The following MFSD6 variants were observed in gnomAD, a reference collection of about 807,000 sequenced individuals.
The protein encoded by MFSD6 is major facilitator superfamily domain-containing protein 6.
Under a neutral mutation model 56.3 loss-of-function variants are expected in MFSD6, and 26 were observed. That is an observed-to-expected ratio of 0.46 (90% CI 0.34 to 0.64). The LOEUF (loss-of-function observed/expected upper bound fraction) is 0.64, where lower values mean the gene tolerates loss of function less well. MFSD6 is among the 30% of genes least tolerant of loss of function. MFSD6 has a pLI of 0.01. For missense variants in MFSD6, 750 were observed against 986.2 expected, an observed-to-expected ratio of 0.76 and a Z score of 3.21; for synonymous variants, 331 against 366.9, an observed-to-expected ratio of 0.90 and a Z score of 1.12.
In MFSD6 at chr2:190,495,364, G is replaced by A. The variant is rs1689610541; in HGVS notation, c.1892-2075G>A. ...AAATCATACATGACATACACAAATG[G>A]AAACATATCCCATGCTCATGGATGG... On this transcript the variant is annotated intron_variant, in intron 6 of 7. Transcript: ENST00000392328. The surrounding 1 kb of genome is among the most constrained non-coding windows in gnomAD (Gnocchi z 4.7). Among the ~76,000 whole-genome samples, 1 of 152,142 alleles carries A rather than the reference G, an allele frequency of 6.6e-6. No individual in the cohort carries two copies.
chr2:190,455,887 G>A (rs1032846590), intron 3 of MFSD6, among the ~76,000 whole-genome samples: 10 of 147,920 alleles, frequency 6.8e-5, no homozygotes, highest in African/African-American at 2.5e-4. Flanking sequence ...AGTTCAAGTT[G>A]ACAGGTTTGA....
chr2:190,446,732 G>C (rs1345030971), intron 3 of MFSD6, among the ~76,000 whole-genome samples: 2 of 152,208 alleles, frequency 1.3e-5, no homozygotes, highest in African/African-American at 4.8e-5. Context: ...TTCTGGGTCT[G>C]CTCAACCCAA....
rs558641807 is a variant in MFSD6 at position 190,453,530 on chromosome 2, C to T, written c.1532+15969C>T. 4.6e-5 allele frequency among the ~76,000 whole-genome samples: 7 copies of T among 152,306 alleles called. No homozygotes were observed. In the East Asian group the frequency reaches 9.6e-4, roughly 21 times the overall value. ...ACTCTTCATCAAAGAAGGAACATGCCGTTATCAGTGTTACTTCTGGAAGCA... is the reference window on the plus strand; with the variant it reads ...ACTCTTCATCAAAGAAGGAACATGCTGTTATCAGTGTTACTTCTGGAAGCA... On this transcript the variant is annotated intron_variant, in intron 3 of 7. Transcript: ENST00000392328.
rs976654462 is a variant in MFSD6 at position 190,501,437 on chromosome 2, G to T, written c.*1219G>T. 6 of 152,198 alleles carry T rather than the reference G, an allele frequency of 3.9e-5. No individual in the cohort carries two copies. The highest frequency in any genetic ancestry group is 1.2e-4 in the African/African-American group (5 of 41,446). The allele number at this position is 152,198 out of a possible 1,614,324, so 9.4% of individuals were successfully genotyped here. A position where few individuals can be genotyped will look rare whatever the true frequency, so the allele number is the denominator to read the frequency against. On this transcript the variant is annotated 3_prime_UTR_variant, in exon 8 of 8. Coordinates refer to ENST00000392328, the MANE Select transcript of MFSD6 (RefSeq NM_017694.4). Reference sequence around the variant, plus strand: ...AGAACAATGGCTGGGTGGATCGCACGTAAAGCTTGCCACTAAAAATCAAAG... The same window carrying T: ...AGAACAATGGCTGGGTGGATCGCACTTAAAGCTTGCCACTAAAAATCAAAG...
At chr2:190,493,200 A>G (rs1373594027) in intron 6 of MFSD6, among the ~76,000 whole-genome samples, 1 of 152,160 alleles carries the variant, frequency 6.6e-6, no homozygotes, top group Non-Finnish European at 1.5e-5. Flanking sequence ...CATTCCATGC[A>G]AATGGACACC....
chr2:190,461,547 G>C lies in MFSD6; in HGVS notation c.1533-8211G>C, dbSNP rs1426504210. Among the ~76,000 whole-genome samples, 1 of 152,204 alleles carries C rather than the reference G, an allele frequency of 6.6e-6. No homozygotes were observed. The highest frequency in any genetic ancestry group is 1.5e-5 in the Non-Finnish European group (1 of 68,048). ...CTTTAAATGCCAAACAGTTCTGGAGGCTGGGAAGTGCAAGATCAAAGTGTT... is the reference window on the plus strand; with the variant it reads ...CTTTAAATGCCAAACAGTTCTGGAGCCTGGGAAGTGCAAGATCAAAGTGTT... On this transcript the variant is annotated intron_variant, in intron 3 of 7. Coordinates refer to ENST00000392328, the MANE Select transcript of MFSD6 (RefSeq NM_017694.4). This position sits in a 1 kb window ranked among gnomAD's most constrained non-coding sequence, Gnocchi z 5.5.
At chr2:190,422,143 TTTAA>T (rs1685640574) in intron 2 of MFSD6, among the ~76,000 whole-genome samples, 2 of 152,262 alleles carry the variant, frequency 1.3e-5, no homozygotes, top group African/African-American at 4.8e-5. Flanking sequence ...GTTCTGTTTA[TTTAA>T]CTTTCTCTGT....
chr2:190,486,990 A>G (rs1289326905), intron 4 of MFSD6, among the ~76,000 whole-genome samples: 1 of 152,222 alleles, frequency 6.6e-6, no homozygotes, highest in Non-Finnish European at 1.5e-5. Flanking sequence ...AATGGTGAAG[A>G]TATAAAACTG....
Position 190,481,713 on chromosome 2 carries a change from A to G in MFSD6, c.1631-6944A>G, listed in dbSNP as rs115379402. On this transcript the variant is annotated intron_variant, in intron 4 of 7. Coordinates refer to ENST00000392328, the MANE Select transcript of MFSD6 (RefSeq NM_017694.4). Reference sequence around the variant, plus strand: ...ATAGATGCTGAGTAAATACTGTTGAATGCATGAAGGGGATTCTTGCAGTCC... The same window carrying G: ...ATAGATGCTGAGTAAATACTGTTGAGTGCATGAAGGGGATTCTTGCAGTCC... Among the ~76,000 whole-genome samples, 596 of 152,370 alleles carry G rather than the reference A, an allele frequency of 3.9e-3. 4 individuals are homozygous for G. The highest frequency in any genetic ancestry group is 0.014 in the African/African-American group (577 of 41,592).
chr2:190,444,668 A>G (rs1686506748), intron 3 of MFSD6, among the ~76,000 whole-genome samples: 1 of 152,230 alleles, frequency 6.6e-6, no homozygotes, highest in Non-Finnish European at 1.5e-5. Context: ...GAAAACAAAC[A>G]TAAAGCCACA....
intron 3 of MFSD6, chr2:190,442,987 C>T (rs1024892143): frequency 6.6e-6 from 1 of 152,148 alleles, no homozygotes; most frequent in Non-Finnish European, 1.5e-5. Flanking sequence ...AAATGTTGGT[C>T]TGTGCTTTAT....
rs1264429726 is a variant in MFSD6, at chr2:190,439,335, T to G, written c.1532+1774T>G. ...CACTGACTCAGTACAGAGTATGTGT[T>G]TAGGTTCTATTTTCTTTTTTTTCAC... On this transcript the variant is annotated intron_variant, in intron 3 of 7. Coordinates refer to ENST00000392328, the MANE Select transcript of MFSD6 (RefSeq NM_017694.4). The surrounding 1 kb of genome is among the most constrained non-coding windows in gnomAD (Gnocchi z 5.8). Among the ~76,000 whole-genome samples, 3 of 152,108 alleles carry G rather than the reference T, an allele frequency of 2.0e-5. No individual in the cohort carries two copies.
rs754439131 is a variant in MFSD6, at chr2:190,436,761, A to T, written c.732A>T (p.Ser244=). ...GTATGATGGACTTGACTTTGAACTC[A>T]AGCACAGCAACCCCTGTCTCCCCAG... ...TNRMMDLTLN[S]STATPVSPGS... Residue 244 remains serine, a synonymous_variant, in exon 3 of 8, where the codon TCA becomes TCT. Transcript: ENST00000392328. The surrounding 1 kb of genome is among the most constrained non-coding windows in gnomAD (Gnocchi z 5.3). The T allele has an allele frequency of 6.2e-7, 1 of 1,614,216 alleles. No homozygotes were observed.
intron 3 of MFSD6, chr2:190,444,680 T>G: frequency 6.5e-6 from 1 of 153,264 alleles, no homozygotes; most frequent in East Asian, 1.9e-4. Context: ...AAAGCCACAC[T>G]GTAACTCCTG....
chr2:190,441,915 T>C (rs1310968222), intron 3 of MFSD6, among the ~76,000 whole-genome samples: 1 of 152,192 alleles, frequency 6.6e-6, no homozygotes, highest in Non-Finnish European at 1.5e-5. Context: ...ACCAAGTCCC[T>C]GAATTAAGTC....
rs1243109449 is a variant in MFSD6, at chr2:190,462,882, C to G, written c.1533-6876C>G. Among the ~76,000 whole-genome samples, 1 of 152,178 alleles carries G rather than the reference C, an allele frequency of 6.6e-6. No individual in the cohort carries two copies. Among genetic ancestry groups the G allele is most frequent in the African/African-American group, 2.4e-5 (1 of 41,434 alleles). On this transcript the variant is annotated intron_variant, in intron 3 of 7. Coordinates refer to ENST00000392328, the MANE Select transcript of MFSD6 (RefSeq NM_017694.4). The surrounding 1 kb of genome is among the most constrained non-coding windows in gnomAD (Gnocchi z 5.7). Reference sequence around the variant, plus strand: ...CAGGTCACTGATTCTGTGGCCTTGTCTCCTCTCCTCTCTGGCCACTCTTAC... The same window carrying G: ...CAGGTCACTGATTCTGTGGCCTTGTGTCCTCTCCTCTCTGGCCACTCTTAC...
rs935462528 is a variant in MFSD6 at position 190,485,661 on chromosome 2, T to C, written c.1631-2996T>C. On this transcript the variant is annotated intron_variant, in intron 4 of 7. Transcript: ENST00000392328. This position sits in a 1 kb window ranked among gnomAD's most constrained non-coding sequence, Gnocchi z 5.1. ...GTGTCAACACTCATAATTAAGACTA[T>C]CCAGGCATTATTCAATTCTGAGAAA... 1.3e-5 allele frequency among the ~76,000 whole-genome samples: 2 copies of C among 152,138 alleles called. No homozygotes were observed. The highest frequency in any genetic ancestry group is 4.8e-5 in the African/African-American group (2 of 41,434).
chr2:190,469,982 T>A lies in MFSD6; in HGVS notation c.1630+127T>A. 1 of 647,704 alleles carries A rather than the reference T, an allele frequency of 1.5e-6. No individual in the cohort carries two copies. Among genetic ancestry groups the A allele is most frequent in the Non-Finnish European group, 2.6e-6 (1 of 385,300 alleles). The allele number at this position is 647,704 out of a possible 1,614,324, so 40.1% of individuals were successfully genotyped here. A position where few individuals can be genotyped will look rare whatever the true frequency, so the allele number is the denominator to read the frequency against. On this transcript the variant is annotated intron_variant, in intron 4 of 7. Coordinates refer to ENST00000392328, the MANE Select transcript of MFSD6 (RefSeq NM_017694.4). This position sits in a 1 kb window ranked among gnomAD's most constrained non-coding sequence, Gnocchi z 5.3. Reference sequence around the variant, plus strand: ...CCTACTGTTTCATGTGATTTTGAAGTGGTTGTTAAGGAAGAGATGACATCA... The same window carrying A: ...CCTACTGTTTCATGTGATTTTGAAGAGGTTGTTAAGGAAGAGATGACATCA...
chr2:190,472,455 G>C (rs1335594023), intron 4 of MFSD6, among the ~76,000 whole-genome samples: 1 of 152,210 alleles, frequency 6.6e-6, no homozygotes, highest in Non-Finnish European at 1.5e-5. Context: ...AGCCTTAGTA[G>C]CTGATTTGAT....
Sources: allele counts gnomAD v4.1 joint callset (sites outside exome capture counted in the v4.1 genomes callset), GRCh38; gene constraint gnomAD v4.1.1; non-coding constraint Gnocchi (gnomAD v3.1); transcripts MANE v1.5; gene names NCBI Gene and HGNC (gene_info 2026-07-23, HGNC 2026-07-21).